Variants in IAH1 observed in about 807,000 individuals in gnomAD.
IAH1 encodes the protein isoamyl acetate-hydrolyzing esterase 1 homolog.
Under a neutral mutation model 26.7 loss-of-function variants are expected in IAH1, and 24 were observed. The ratio of observed to expected loss-of-function variants is 0.90; its 90% CI spans 0.65 to 1.26. The LOEUF (loss-of-function observed/expected upper bound fraction) is 1.26, where lower values mean the gene tolerates loss of function less well. Among genes scored for constraint, IAH1 ranks in the 50% most tolerant of loss-of-function variants. The pLI is 0.00. For missense variants in IAH1, 300 were observed against 299.9 expected (o/e 1.00, Z 0.00); for synonymous variants, 140 against 118.5 (o/e 1.18, Z -1.18).
At position 9,474,976 on chromosome 2, in the gene IAH1, C is replaced by T. The variant is rs1359153306; in HGVS notation, c.81+329C>T. 6 of 1,099,272 alleles carry T rather than the reference C, an allele frequency of 5.5e-6. No homozygotes were observed. The highest frequency in any genetic ancestry group is 6.7e-6 in the Non-Finnish European group (6 of 893,350). The allele number at this position is 1,099,272 out of a possible 1,614,324, so 68.1% of individuals were successfully genotyped here. On this transcript the variant is annotated intron_variant, in intron 1 of 5. Transcript: ENST00000497473. The surrounding 1 kb of genome is among the most constrained non-coding windows in gnomAD (Gnocchi z 4.3). ...CCTCAGCGCCCTCCTGGGCAGCGGC[C>T]TTTCCCCTCCGGGTCCGGGTTAGCG...
chr2:9,474,504 G>A, upstream of IAH1: 8 of 1,029,670 alleles, frequency 7.8e-6, no homozygotes, highest in Non-Finnish European at 1.0e-5. The surrounding 1 kb of genome is among the most constrained non-coding windows in gnomAD (Gnocchi z 4.3). Flanking sequence ...GCAACCCACG[G>A]GCGGCCACTG....
chr2:9,503,831 C>G, the IAH1 span, among the ~76,000 whole-genome samples: 1 of 128,366 alleles, frequency 7.8e-6, no homozygotes, highest in Admixed American at 7.5e-5. Context: ...GAGCAAGACT[C>G]CGTCTCAAAA....
At chr2:9,502,653 G>A in the IAH1 span, among the ~76,000 whole-genome samples, 3 of 151,970 alleles carry the variant, frequency 2.0e-5, no homozygotes, top group Non-Finnish European at 2.9e-5. Context: ...GAGGTGGGTG[G>A]ATCACCTGAG....
At chr2:9,474,547 C>CCGCCA, upstream of IAH1, 1 of 1,441,462 alleles carries the variant, frequency 6.9e-7, no homozygotes, top group Non-Finnish European at 9.1e-7. The surrounding 1 kb of genome is among the most constrained non-coding windows in gnomAD (Gnocchi z 4.3). Flanking sequence ...CGGCCCCGCC[C>CCGCCA]CGCCCCGCCC....
chr2:9,505,150 T>TG, the IAH1 span: 1 of 1,613,836 alleles, frequency 6.2e-7, no homozygotes, highest in African/African-American at 1.3e-5. Flanking sequence ...AAAATCCCTG[T>TG]GGAGAGACTC....
chr2:9,502,407 C>T, the IAH1 span: 3 of 693,432 alleles, frequency 4.3e-6, no homozygotes, highest in Admixed American at 7.5e-5. Flanking sequence ...CCCACTCCTA[C>T]ATCATCAGAC....
At chr2:9,485,602 C>T (rs930213950) in intron 5 of IAH1, 3 of 152,986 alleles carry the variant, frequency 2.0e-5, no homozygotes, top group Non-Finnish European at 4.4e-5. Context: ...CACACCACTG[C>T]ACTCCGGTCT....
chr2:9,497,099 A>C (rs2124976317), downstream of IAH1: 2 of 1,612,436 alleles, frequency 1.2e-6, no homozygotes, highest in Non-Finnish European at 1.7e-6. Flanking sequence ...CTGGACTGGG[A>C]ATAAAACTGC....
At chr2:9,494,982 A>C (rs1264321404) in intron 6 of IAH1, 3 of 420,426 alleles carry the variant, frequency 7.1e-6, no homozygotes, top group Non-Finnish European at 1.3e-5. Flanking sequence ...GTTTAAAAAA[A>C]AATGCAGAGA....
the IAH1 span, among the ~76,000 whole-genome samples, chr2:9,507,681 G>A: frequency 5.9e-5 from 9 of 151,990 alleles, no homozygotes; most frequent in South Asian, 1.9e-3. Context: ...GAAAAAAAAA[G>A]TTCTTCCCAG....
Position 9,488,296 on chromosome 2 carries a change from T to G in IAH1, c.714T>G (p.Pro238=). 6.2e-7 allele frequency: 1 copy of G among 1,611,384 alleles called. No homozygotes were observed. Among genetic ancestry groups the G allele is most frequent in the Non-Finnish European group, 8.5e-7 (1 of 1,179,228 alleles). The change falls in exon 6 of 6, where the codon CCT becomes CCG. Residue 238 remains proline (P), a synonymous_variant. Coordinates refer to ENST00000497473, the MANE Select transcript of IAH1 (RefSeq NM_001039613.3). ...PYWRDVAEAK[P]ELSLLGDGDH The stretch of plus-strand genomic sequence containing the variant: ...GGCGGGATGTAGCAGAAGCAAAACC[T>G]GAATTAAGTCTGCTGGGAGATGGAG...
At chr2:9,505,024 T>C in the IAH1 span, 1 of 936,340 alleles carries the variant, frequency 1.1e-6, no homozygotes. Context: ...TTTCTTGCTG[T>C]GAAGGGCAAA....
chr2:9,490,414 A>AG (rs1662030392), downstream of IAH1: 12 of 1,614,150 alleles, frequency 7.4e-6, no homozygotes, highest in Non-Finnish European at 9.3e-6. Context: ...CTGGCGCCGA[A>AG]GGGATCACAG....
chr2:9,502,338 C>T, the IAH1 span: 232 of 1,420,202 alleles, frequency 1.6e-4, 1 homozygote, highest in African/African-American at 2.3e-3. Context: ...TCAAATCAAA[C>T]GCTACAGTTA....
chr2:9,474,703 C>G lies in IAH1; in HGVS notation c.81+56C>G, dbSNP rs1231669688. 1.5e-6 allele frequency: 2 copies of G among 1,325,626 alleles called. No individual in the cohort carries two copies. The highest frequency in any genetic ancestry group is 2.0e-4 in the Middle Eastern group (1 of 4,924). The allele number at this position is 1,325,626 out of a possible 1,614,324, so 82.1% of individuals were successfully genotyped here. ...CCCGGCCTCCCTGCGGGGTCGCTGC[C>G]GAGCAGGCCGAGGCTCCTCGCCGTC... On this transcript the variant is annotated intron_variant, in intron 1 of 5. Transcript: ENST00000497473. This position sits in a 1 kb window ranked among gnomAD's most constrained non-coding sequence, Gnocchi z 4.3.
the IAH1 span, chr2:9,502,111 T>C: frequency 7.1e-7 from 1 of 1,416,796 alleles, no homozygotes; most frequent in Non-Finnish European, 9.9e-7. Flanking sequence ...CATAATCTTG[T>C]TTTTCAAAGA....
At chr2:9,492,108 G>A (rs541296902), downstream of IAH1, among the ~76,000 whole-genome samples, 11 of 152,334 alleles carry the variant, frequency 7.2e-5, no homozygotes, top group African/African-American at 2.4e-4. Flanking sequence ...AGGAAAGGAA[G>A]GAGGCAGTAG....
At chr2:9,479,785 C>CTG (rs1179258173) in intron 3 of IAH1, among the ~76,000 whole-genome samples, 1 of 101,448 alleles carries the variant, frequency 9.9e-6, no homozygotes, top group African/African-American at 3.4e-5. Context: ...GCGGAGATTT[C>CTG]TGTGTATTGC....
the IAH1 span, among the ~76,000 whole-genome samples, chr2:9,511,647 A>AT: frequency 6.6e-6 from 1 of 151,996 alleles, no homozygotes; most frequent in African/African-American, 2.4e-5. Flanking sequence ...TAAAGCTAAA[A>AT]TTTTTTTTCC....
Sources: gnomAD v4.1 joint callset for allele counts (sites outside exome capture counted in the v4.1 genomes callset) on GRCh38, gnomAD v4.1.1 for gene constraint, Gnocchi (gnomAD v3.1) non-coding constraint, MANE v1.5 for transcripts, NCBI Gene and HGNC (gene_info 2026-07-23, HGNC 2026-07-21) for gene names.